Variants in OCIAD1 observed in about 807,000 individuals in gnomAD.
OCIAD1 encodes the protein OCIA domain-containing protein 1.
In OCIAD1, 29 loss-of-function variants were observed where a neutral mutation model predicts 38.9. The ratio of observed to expected loss-of-function variants is 0.74; its 90% CI spans 0.55 to 1.02. The LOEUF (loss-of-function observed/expected upper bound fraction) is 1.02. Among genes scored for constraint, OCIAD1 ranks in the 50% least tolerant of loss-of-function variants. OCIAD1 has a pLI of 0.00. For missense variants in OCIAD1, 288 were observed against 289.6 expected (o/e 0.99, Z 0.04); for synonymous variants, 110 against 92.0 (o/e 1.20, Z -1.12).
intron 4 of OCIAD1, among the ~76,000 whole-genome samples, chr4:48,847,821 G>A (rs1183220686): frequency 2.6e-5 from 4 of 152,142 alleles, no homozygotes; most frequent in African/African-American, 9.7e-5. Flanking sequence ...TCTATAATAC[G>A]ATTCTTCAGT....
intron 2 of OCIAD1, 142 bp from the exon 3 acceptor site, chr4:48,833,259 C>CA (rs1210583134): frequency 3.3e-6 from 2 of 599,194 alleles, no homozygotes; most frequent in Non-Finnish European, 5.9e-6. Context: ...TCTCAAAAAA[C>CA]AAAAAAAGTG....
At chr4:48,860,540 T>C (rs1251071416) in intron 8 of OCIAD1, among the ~76,000 whole-genome samples, 185 bp from the exon 9 acceptor site, 7 of 152,228 alleles carry the variant, frequency 4.6e-5, no homozygotes, top group Non-Finnish European at 8.8e-5. Flanking sequence ...CTAGATACAA[T>C]GCATTTGTCC....
At chr4:48,848,681 A>C in intron 5 of OCIAD1, 1 of 289,682 alleles carries the variant, frequency 3.5e-6, no homozygotes, top group Non-Finnish European at 6.3e-6. Flanking sequence ...AGAACAATTA[A>C]TTTAAAATTA....
chr4:48,818,054 G>A (rs923888037), intron 1 of OCIAD1, among the ~76,000 whole-genome samples: 6 of 152,132 alleles, frequency 3.9e-5, no homozygotes, highest in African/African-American at 9.7e-5. Flanking sequence ...TTCTCCCAGC[G>A]CAGTGCACCA....
chr4:48,846,853 A>G (rs1441897159), intron 4 of OCIAD1, among the ~76,000 whole-genome samples: 1 of 152,114 alleles, frequency 6.6e-6, no homozygotes, highest in East Asian at 1.9e-4. Flanking sequence ...CATTGCACTT[A>G]ACCACATTGT....
intron 1 of OCIAD1, chr4:48,831,472 G>A: frequency 7.8e-7 from 1 of 1,289,558 alleles, no homozygotes; most frequent in South Asian, 1.2e-5. Flanking sequence ...TGCGTGTGGG[G>A]TTGCTGCTCA....
intron 7 of OCIAD1, among the ~76,000 whole-genome samples, chr4:48,852,890 T>TTTTTTTG: frequency 6.8e-6 from 1 of 147,582 alleles, no homozygotes; most frequent in Non-Finnish European, 1.5e-5. Flanking sequence ...TTGTTTTTTT[T>TTTTTTTG]TTTTTTTTTG....
chr4:48,819,822 C>G (rs189768444), intron 1 of OCIAD1, among the ~76,000 whole-genome samples: 2 of 144,102 alleles, frequency 1.4e-5, no homozygotes, highest in African/African-American at 5.1e-5. Context: ...AAGGGCATTA[C>G]ATTACGGTAA....
intron 1 of OCIAD1, among the ~76,000 whole-genome samples, chr4:48,817,128 C>T (rs1777151260): frequency 6.6e-6 from 1 of 152,204 alleles, no homozygotes; most frequent in Admixed American, 6.5e-5. Context: ...GTGGGTCCAA[C>T]TCATGGAGAG....
intron 3 of OCIAD1, among the ~76,000 whole-genome samples, chr4:48,842,213 C>T (rs930411269): frequency 2.0e-4 from 30 of 152,118 alleles, no homozygotes; most frequent in Admixed American, 1.8e-3. Context: ...GCACATAAGG[C>T]GCTTAGCATG....
chr4:48,835,894 A>G (rs973356892), intron 3 of OCIAD1, among the ~76,000 whole-genome samples: 3 of 152,252 alleles, frequency 2.0e-5, no homozygotes, highest in Admixed American at 6.5e-5. Flanking sequence ...GTGGAGTAGC[A>G]TTTGGAAGAA....
At chr4:48,854,083 A>G (rs1489457836) in intron 7 of OCIAD1, among the ~76,000 whole-genome samples, 2 of 152,168 alleles carry the variant, frequency 1.3e-5, no homozygotes, top group East Asian at 1.9e-4. Context: ...GTTCCTCACT[A>G]TGTCTCATTT....
At chr4:48,832,520 G>C in intron 1 of OCIAD1, 100 bp from the exon 2 acceptor site, 1 of 824,728 alleles carries the variant, frequency 1.2e-6, no homozygotes, top group African/African-American at 1.7e-5. Flanking sequence ...TTGATTGATT[G>C]CTGTGTAGAC....
intron 7 of OCIAD1, among the ~76,000 whole-genome samples, chr4:48,852,714 C>T (rs1410950097): frequency 6.6e-6 from 1 of 152,042 alleles, no homozygotes; most frequent in Non-Finnish European, 1.5e-5. Flanking sequence ...AGGAAATAAT[C>T]AGAGGCAATG....
chr4:48,841,749 C>G (rs764519880), intron 3 of OCIAD1, among the ~76,000 whole-genome samples: 14 of 152,246 alleles, frequency 9.2e-5, no homozygotes, highest in Non-Finnish European at 1.6e-4. Context: ...ATAAAAAATT[C>G]TGTTAGACAG....
Position 48,842,550 on chromosome 4 carries a change from GT to G in OCIAD1, c.140-82del, listed in dbSNP as rs1778633371. On this transcript the variant is annotated intron_variant, in intron 3 of 8. Coordinates refer to ENST00000264312, the MANE Select transcript of OCIAD1 (RefSeq NM_017830.4). ...AGTTATGCAATATAATTCCTAGATG[GT>G]TTTACTGCTATTCATTTATCTAATG... 4.9e-6 allele frequency: 4 copies of G among 814,906 alleles called. No individual in the cohort carries two copies. In the East Asian group the frequency reaches 1.0e-4, roughly 20 times the overall value. 50.5% of individuals were successfully genotyped at this position (814,906 alleles called of 1,614,324 possible).
chr4:48,805,864 G>C (rs1777019146), intron 1 of OCIAD1, among the ~76,000 whole-genome samples: 1 of 152,098 alleles, frequency 6.6e-6, no homozygotes, highest in Non-Finnish European at 1.5e-5. Flanking sequence ...ATAAATTAAT[G>C]ATCTCTAGAA....
chr4:48,849,253 C>T (rs919153344), intron 5 of OCIAD1, among the ~76,000 whole-genome samples: 6 of 151,824 alleles, frequency 4.0e-5, no homozygotes, highest in African/African-American at 1.4e-4. Context: ...ATGTAACAAA[C>T]CTGCACATTA....
upstream of OCIAD1, among the ~76,000 whole-genome samples, chr4:48,828,305 C>G (rs1777271685): frequency 6.6e-6 from 1 of 152,202 alleles, no homozygotes; most frequent in Admixed American, 6.5e-5. Flanking sequence ...ATGCACCAAT[C>G]AGCACCCTGT....
Sources: allele counts gnomAD v4.1 joint callset (sites outside exome capture counted in the v4.1 genomes callset), GRCh38; gene constraint gnomAD v4.1.1; transcripts MANE v1.5; gene names NCBI Gene and HGNC (gene_info 2026-07-23, HGNC 2026-07-21).